Variants in C15orf39 observed in about 807,000 individuals in gnomAD.
C15orf39 encodes uncharacterized protein C15orf39.
In C15orf39, 24 loss-of-function variants were observed where a neutral mutation model predicts 53.9. The ratio of observed to expected loss-of-function variants is 0.45; its 90% CI spans 0.32 to 0.63. The LOEUF is 0.63. Among genes scored for constraint, C15orf39 ranks in the 20% least tolerant of loss-of-function variants. The pLI, the probability that C15orf39 is intolerant of heterozygous loss-of-function variation, is 0.04. For missense variants in C15orf39, 1,271 were observed against 1,347.9 expected (o/e 0.94, Z 0.89); for synonymous variants, 569 against 576.5 (o/e 0.99, Z 0.19).
At position 75,207,886 on chromosome 15, in the gene C15orf39, C is replaced by T. The variant is rs1467868071; in HGVS notation, c.1838C>T (p.Ser613Leu). 6.2e-7 allele frequency: 1 copy of T among 1,613,536 alleles called. No individual in the cohort carries two copies. The highest frequency in any genetic ancestry group is 2.2e-5 in the East Asian group (1 of 44,892). The change falls in exon 2 of 3, where the codon TCA (serine) becomes TTA (leucine). Residue 613 changes from serine (S) to leucine (L), a missense_variant. By Grantham distance (145) the Ser-to-Leu change is moderately radical (BLOSUM62 -2). This residue lies in a region of C15orf39 where 994 missense variants were observed against 993.7 expected (regional missense o/e 1.00). Transcript: ENST00000394987. ...MDVPDVGNMV[S>L]DLPGLKKIDT... ...GTGCCAGATGTGGGCAACATGGTGT[C>T]AGATCTGCCAGGCCTGAAAAAGATA...
rs748264257 is a variant in C15orf39 at position 75,208,399 on chromosome 15, ACT to A, written c.2355_2356del (p.Pro786SerfsTer141). The A allele has an allele frequency of 1.9e-6, 3 of 1,605,178 alleles. No homozygotes were observed. Among genetic ancestry groups the A allele is most frequent in the South Asian group, 2.2e-5 (2 of 89,790 alleles). On this transcript the variant is annotated frameshift_variant, in exon 2 of 3. Transcript: ENST00000394987. LOFTEE classifies it high-confidence loss of function. ...GATGCTATTTCTGGCTCCGTCGCCC[ACT>A]CTCCTCCAGAGAAGCTTCGCGAGTG...
chr15:75,201,242 AC>A (rs2070399196), upstream of C15orf39, among the ~76,000 whole-genome samples: 1 of 152,092 alleles, frequency 6.6e-6, no homozygotes, highest in Non-Finnish European at 1.5e-5. The surrounding 1 kb of genome is among the most constrained non-coding windows in gnomAD (Gnocchi z 4.7). Context: ...CACCCGCCTC[AC>A]AGGCTGCGCG....
chr15:75,208,281 C>T lies in C15orf39; in HGVS notation c.2233C>T (p.Pro745Ser). 6.3e-7 allele frequency: 1 copy of T among 1,585,010 alleles called. No homozygotes were observed. Among genetic ancestry groups the T allele is most frequent in the South Asian group, 1.1e-5 (1 of 88,530 alleles). Residue 745 changes from proline (P) to serine (S), a missense_variant, in exon 2 of 3, where the codon CCA (proline) becomes TCA (serine). By Grantham distance (74) the Pro-to-Ser change is moderately conservative (BLOSUM62 -1). This residue lies in a region of C15orf39 where 994 missense variants were observed against 993.7 expected (regional missense o/e 1.00). Transcript: ENST00000394987. ...TTCAGCCCGGGATCCAGCTCCAGCT[C>T]CAGCTCCAGTTGCAGGCCCTGCTCC... is the stretch of plus-strand genomic sequence containing the variant. ...PASARDPAPA[P>S]APVAGPAPAS...
chr15:75,211,295 G>C lies in C15orf39; in HGVS notation c.*179G>C, dbSNP rs1350654947. On this transcript the variant is annotated 3_prime_UTR_variant, in exon 3 of 3. Coordinates refer to ENST00000394987, the MANE Select transcript of C15orf39 (RefSeq NM_015492.5). ...AAGAGCCCCTGAGCTTTTAACGTGA[G>C]GGTCTTTATTGGATAGGACTACTCC... The C allele has an allele frequency of 1.3e-6, 1 of 770,414 alleles. No individual in the cohort carries two copies. Among genetic ancestry groups the C allele is most frequent in the East Asian group, 2.8e-5 (1 of 36,182 alleles). 47.7% of individuals were successfully genotyped at this position (770,414 alleles called of 1,614,324 possible).
At chr15:75,208,975 C>G in intron 2 of C15orf39, 151 bp downstream of exon 2, 1 of 1,309,166 alleles carries the variant, frequency 7.6e-7, no homozygotes, top group Non-Finnish European at 1.0e-6. Flanking sequence ...GTACCCCCAC[C>G]CCTTGACCCT....
intron 1 of C15orf39, among the ~76,000 whole-genome samples, chr15:75,205,482 G>C (rs1027692481): frequency 1.3e-5 from 2 of 152,140 alleles, no homozygotes; most frequent in Non-Finnish European, 2.9e-5. Context: ...TGGGGGTTCT[G>C]TGTAGAATAA....
At chr15:75,201,093 T>G (rs2070397931), upstream of C15orf39, among the ~76,000 whole-genome samples, 1 of 152,118 alleles carries the variant, frequency 6.6e-6, no homozygotes, top group South Asian at 2.1e-4. This position sits in a 1 kb window ranked among gnomAD's most constrained non-coding sequence, Gnocchi z 4.7. Flanking sequence ...CCAGGAGCTT[T>G]GACGGACCAG....
At chr15:75,205,933 A>C (rs1362895847) in intron 1 of C15orf39, 66 bp from the exon 2 acceptor site, 1 of 1,079,880 alleles carries the variant, frequency 9.3e-7, no homozygotes, top group African/African-American at 1.6e-5. Context: ...TGAGAGCAGC[A>C]GCCCTCTGTT....
rs1344138496 is a variant in C15orf39, at chr15:75,206,814, C to T, written c.766C>T (p.Pro256Ser). 6.2e-7 allele frequency: 1 copy of T among 1,605,054 alleles called. No homozygotes were observed. The highest frequency in any genetic ancestry group is 8.5e-7 in the Non-Finnish European group (1 of 1,175,886). Residue 256 changes from proline to serine, a missense_variant, in exon 2 of 3, where the codon CCC (proline) becomes TCC (serine). Around this residue, in one of 2 missense-constraint regions of C15orf39, gnomAD observed 994 missense variants for 993.7 expected, o/e 1.00. Coordinates refer to ENST00000394987, the MANE Select transcript of C15orf39 (RefSeq NM_015492.5). Reference sequence around the variant, plus strand: ...AAGTCCTTGGACCCAGCTGGCCCAGCCCCTGGGGCCACCCTGTCAGGACAC... The same window carrying T: ...AAGTCCTTGGACCCAGCTGGCCCAGTCCCTGGGGCCACCCTGTCAGGACAC... Reference protein sequence around the residue: ...PSSPWTQLAQPLGPPCQDTGP... With the variant: ...PSSPWTQLAQSLGPPCQDTGP...
chr15:75,210,883 C>T lies in C15orf39; in HGVS notation c.2911C>T (p.Pro971Ser), dbSNP rs1367896728. ...VRKPGRKPPT[P>S]GPEKAEAAAG... ...GAAGCCAGGCAGGAAGCCACCAACC[C>T]CTGGCCCGGAGAAAGCAGAGGCAGC... Residue 971 changes from proline (P) to serine (S), a missense_variant, in exon 3 of 3, where the codon CCT becomes TCT. Pro to Ser is a moderately conservative substitution (Grantham distance 74, BLOSUM62 -1). Around this residue, in one of 2 missense-constraint regions of C15orf39, gnomAD observed 277 missense variants for 354.1 expected, o/e 0.78. Transcript: ENST00000394987. 6.2e-7 allele frequency: 1 copy of T among 1,613,698 alleles called. No individual in the cohort carries two copies. Among genetic ancestry groups the T allele is most frequent in the Admixed American group, 1.7e-5 (1 of 60,002 alleles).
rs758480550 is a variant in C15orf39, at chr15:75,206,722, T to A, written c.674T>A (p.Phe225Tyr). ...TATCAGACCATCCACAGCACGGGCT[T>A]CCTGGCCTCCAGGTACACAGGTCCT... The part of the protein sequence containing the change: ...EKYQTIHSTG[F>Y]LASRYTGPYP... The change falls in exon 2 of 3, where the codon TTC (phenylalanine) becomes TAC (tyrosine). Residue 225 changes from phenylalanine to tyrosine, a missense_variant. By Grantham distance (22) the Phe-to-Tyr change is conservative (BLOSUM62 3). Transcript: ENST00000394987. 35 of 1,613,590 alleles carry A rather than the reference T, an allele frequency of 2.2e-5. No individual in the cohort carries two copies. The highest frequency in any genetic ancestry group is 2.9e-5 in the Non-Finnish European group (34 of 1,179,938).
At chr15:75,204,299 C>T (rs1019600030) in intron 1 of C15orf39, among the ~76,000 whole-genome samples, 3 of 152,192 alleles carry the variant, frequency 2.0e-5, no homozygotes, top group African/African-American at 4.8e-5. Context: ...TTCAGATGAG[C>T]CCCTAACGGG....
At chr15:75,204,198 G>A (rs1246077230) in intron 1 of C15orf39, among the ~76,000 whole-genome samples, 1 of 152,226 alleles carries the variant, frequency 6.6e-6, no homozygotes, top group Non-Finnish European at 1.5e-5. Context: ...GATTGAGCTA[G>A]GTGGTCCTTT....
At position 75,207,280 on chromosome 15, in the gene C15orf39, G is replaced by T. The variant is rs745675466; in HGVS notation, c.1232G>T (p.Gly411Val). 6.2e-7 allele frequency: 1 copy of T among 1,613,462 alleles called. No individual in the cohort carries two copies. Among genetic ancestry groups the T allele is most frequent in the Non-Finnish European group, 8.5e-7 (1 of 1,179,970 alleles). ...AATGTGCGGGCTGTGCCACAGCCTG[G>T]TGCCTTCCAGAGGGCATGCCAGCCT... ...QNNVRAVPQP[G>V]AFQRACQPLP... is the part of the protein sequence containing the mutation. The change falls in exon 2 of 3, where the codon GGT (glycine) becomes GTT (valine). Residue 411 changes from glycine to valine, a missense_variant. Transcript: ENST00000394987.
At chr15:75,203,892 T>C (rs2070421126) in intron 1 of C15orf39, among the ~76,000 whole-genome samples, 1 of 152,180 alleles carries the variant, frequency 6.6e-6, no homozygotes, top group African/African-American at 2.4e-5. Flanking sequence ...CAGGTTTCTA[T>C]CATAGGACAC....
intron 2 of C15orf39, 117 bp downstream of exon 2, chr15:75,208,941 A>G (rs1595956499): frequency 1.4e-6 from 2 of 1,445,304 alleles, no homozygotes; most frequent in East Asian, 4.9e-5. Flanking sequence ...CTGCCCGGGT[A>G]GGGGGCTTTA....
chr15:75,208,433 G>T lies in C15orf39; in HGVS notation c.2385G>T (p.Glu795Asp). ...SPPEKLREWLETAGPWGQAAW... is the reference protein window; with the variant it reads ...SPPEKLREWLDTAGPWGQAAW... ...CAGAGAAGCTTCGCGAGTGGCTAGA[G>T]ACGGCTGGGCCCTGGGGCCAGGCTG... The change falls in exon 2 of 3, where the codon GAG becomes GAT. Residue 795 changes from glutamate (E) to aspartate (D), a missense_variant. Coordinates refer to ENST00000394987, the MANE Select transcript of C15orf39 (RefSeq NM_015492.5). 1 of 1,605,698 alleles carries T rather than the reference G, an allele frequency of 6.2e-7. No individual in the cohort carries two copies. Among genetic ancestry groups the T allele is most frequent in the Non-Finnish European group, 8.5e-7 (1 of 1,178,568 alleles).
At chr15:75,200,278 G>A (rs2070392812), upstream of C15orf39, among the ~76,000 whole-genome samples, 1 of 152,180 alleles carries the variant, frequency 6.6e-6, no homozygotes, top group South Asian at 2.1e-4. Flanking sequence ...AGGTGTCCCT[G>A]AATTAACACA....
chr15:75,198,909 C>T (rs1240507881), upstream of C15orf39: 1 of 152,240 alleles, frequency 6.6e-6, no homozygotes, highest in Non-Finnish European at 1.5e-5. Context: ...AACTGCCATA[C>T]AGCAAAAGGA....
Sources: gnomAD v4.1 joint callset for allele counts (sites outside exome capture counted in the v4.1 genomes callset) on GRCh38, gnomAD v4.1.1 for gene constraint, gnomAD v4.1.1 regional missense constraint, Gnocchi (gnomAD v3.1) non-coding constraint, MANE v1.5 for transcripts, NCBI Gene and HGNC (gene_info 2026-07-23, HGNC 2026-07-21) for gene names.